The following DOCK8 variants were observed in gnomAD, a reference collection of about 807,000 sequenced individuals.
DOCK8 encodes dedicator of cytokinesis 8.
DOCK8 carries 141 observed loss-of-function variants against 245.6 expected under a neutral mutation model. The observed-to-expected ratio is 0.57, with a 90% CI of 0.50 to 0.66. DOCK8 has a LOEUF of 0.66. Ranked by LOEUF, DOCK8 falls within the 30% of genes least tolerant of loss-of-function variation. DOCK8 has a pLI of 0.00. For missense variants in DOCK8, 2,965 were observed against 2,603.4 expected, an observed-to-expected ratio of 1.14 and a Z score of -3.02; for synonymous variants, 1,168 against 970.2, an observed-to-expected ratio of 1.20 and a Z score of -3.79.
intron 2 of DOCK8, among the ~76,000 whole-genome samples, chr9:275,202 G>A (rs1442044061): frequency 6.7e-6 from 1 of 148,942 alleles, no homozygotes; most frequent in Admixed American, 6.6e-5. Flanking sequence ...ATATTGGCTA[G>A]TATTGCTCTC....
rs2051061666 is a variant in DOCK8, at chr9:332,492, A to C, written c.1125+14A>C. 1.3e-6 allele frequency: 2 copies of C among 1,588,872 alleles called. No individual in the cohort carries two copies. The highest frequency in any genetic ancestry group is 4.5e-5 in the East Asian group (2 of 44,710). On this transcript the variant is annotated intron_variant, in intron 10 of 47. Transcript: ENST00000432829. ...GATGGTGGAAAGGTATGGTAATTTG[A>C]GTGTTGTTAAATGGAGACATCTTAG...
chr9:453,247 G>A (rs1456361985), intron 46 of DOCK8, among the ~76,000 whole-genome samples: 3 of 152,182 alleles, frequency 2.0e-5, no homozygotes, highest in Admixed American at 2.0e-4. Flanking sequence ...GGCTTTGCGT[G>A]TTTGTATTTG....
At chr9:355,693 A>C (rs920732949) in intron 14 of DOCK8, among the ~76,000 whole-genome samples, 7 of 152,188 alleles carry the variant, frequency 4.6e-5, no homozygotes, top group Non-Finnish European at 1.0e-4. Flanking sequence ...TCTTATTTTC[A>C]AATAGTGGGG....
intron 39 of DOCK8, among the ~76,000 whole-genome samples, chr9:438,667 T>TA (rs1309321446): frequency 6.6e-6 from 1 of 152,276 alleles, no homozygotes; most frequent in African/African-American, 2.4e-5. Flanking sequence ...CTAAACGCAA[T>TA]AGTTTATGTA....
chr9:401,586 T>A (rs2131497989), intron 26 of DOCK8, among the ~76,000 whole-genome samples: 1 of 152,254 alleles, frequency 6.6e-6, no homozygotes, highest in South Asian at 2.1e-4. Flanking sequence ...AGGCACTAAA[T>A]GGATGAAAAT....
intron 16 of DOCK8, among the ~76,000 whole-genome samples, 161 bp from the exon 17 acceptor site, chr9:371,267 A>G (rs2053273332): frequency 6.6e-6 from 1 of 152,202 alleles, no homozygotes; most frequent in African/African-American, 2.4e-5. Flanking sequence ...TAATAACATA[A>G]GCTTGGTCTC....
chr9:235,065 A>G (rs1044638010), intron 1 of DOCK8, among the ~76,000 whole-genome samples: 24 of 151,968 alleles, frequency 1.6e-4, no homozygotes, highest in African/African-American at 4.8e-4. Context: ...TGACGTACAG[A>G]TGGGTTTTTG....
At chr9:306,951 G>A (rs188212817) in intron 5 of DOCK8, among the ~76,000 whole-genome samples, 1 of 152,172 alleles carries the variant, frequency 6.6e-6, no homozygotes, top group African/African-American at 2.4e-5. Flanking sequence ...CTGGACTCAC[G>A]CCTCACAGGA....
chr9:377,333 T>A, intron 20 of DOCK8, 122 bp downstream of exon 20: 1 of 989,802 alleles, frequency 1.0e-6, no homozygotes, highest in Non-Finnish European at 1.4e-6. Context: ...TGATGATGTG[T>A]GCTCAAGGGA....
At chr9:219,956 A>G (rs918971510) in intron 1 of DOCK8, among the ~76,000 whole-genome samples, 1 of 152,222 alleles carries the variant, frequency 6.6e-6, no homozygotes, top group Admixed American at 6.5e-5. Flanking sequence ...AATGAGCTAC[A>G]GAGAGCTTTC....
chr9:273,752 A>G (rs2048231991), intron 2 of DOCK8, among the ~76,000 whole-genome samples: 1 of 149,380 alleles, frequency 6.7e-6, no homozygotes, highest in African/African-American at 2.5e-5. Flanking sequence ...CAATGGCACC[A>G]TCTCGGCTCA....
At position 382,665 on chromosome 9, in the gene DOCK8, AAGAACATC is replaced by A; in HGVS notation, c.2760_2767del (p.Lys920AsnfsTer21). ...ACACTCCGCAGCAGACGAGGAAGTG[AAGAACATC>A]ATGTCTTCAAAGGTAGGAAAGATGT... On this transcript the variant is annotated frameshift_variant, in exon 22 of 48. Coordinates refer to ENST00000432829, the MANE Select transcript of DOCK8 (RefSeq NM_203447.4). LOFTEE classifies it high-confidence loss of function. 6.2e-7 allele frequency: 1 copy of A among 1,614,164 alleles called. No individual in the cohort carries two copies. The highest frequency in any genetic ancestry group is 1.7e-5 in the Admixed American group (1 of 60,020).
chr9:419,098 T>C (rs2056164211), intron 30 of DOCK8, among the ~76,000 whole-genome samples: 2 of 152,238 alleles, frequency 1.3e-5, no homozygotes, highest in African/African-American at 4.8e-5. Context: ...GAGCTCTGAC[T>C]ATCCCTTGTG....
Position 394,232 on chromosome 9 carries a change from A to G in DOCK8, c.2971-2553A>G, listed in dbSNP as rs193301952. Among the ~76,000 whole-genome samples the G allele has an allele frequency of 7.0e-3, 1,010 of 144,794 alleles. 12 individuals are homozygous for G. The highest frequency in any genetic ancestry group is 0.022 in the South Asian group (99 of 4,442). The allele number at this position is 144,794 out of a possible 152,430, so 95.0% of individuals were successfully genotyped here. A position where few individuals can be genotyped will look rare whatever the true frequency, so the allele number is the denominator to read the frequency against. ...TGTGGTCCCTCGAGACCCCCTTCCC[A>G]GCATTCAGAGACAGACAGAGAAGGA... On this transcript the variant is annotated intron_variant, in intron 24 of 47. Coordinates refer to ENST00000432829, the MANE Select transcript of DOCK8 (RefSeq NM_203447.4).
At chr9:233,021 C>G (rs1334028258) in intron 1 of DOCK8, among the ~76,000 whole-genome samples, 1 of 152,238 alleles carries the variant, frequency 6.6e-6, no homozygotes, top group Non-Finnish European at 1.5e-5. Flanking sequence ...CCTGCTTTCT[C>G]TTGTGGGCAT....
At chr9:265,650 G>T (rs985495846) in intron 1 of DOCK8, among the ~76,000 whole-genome samples, 3 of 151,944 alleles carry the variant, frequency 2.0e-5, no homozygotes, top group Non-Finnish European at 4.4e-5. Flanking sequence ...AATCCATCCA[G>T]CCATTTTGGC....
At chr9:242,677 T>C (rs1247760935) in intron 1 of DOCK8, among the ~76,000 whole-genome samples, 1 of 152,196 alleles carries the variant, frequency 6.6e-6, no homozygotes, top group Admixed American at 6.5e-5. Flanking sequence ...GAAACTCAAG[T>C]CTAGCTGAGA....
At chr9:340,018 T>C in intron 13 of DOCK8, 141 bp from the exon 14 acceptor site, 1 of 828,876 alleles carries the variant, frequency 1.2e-6, no homozygotes, top group East Asian at 2.7e-5. Flanking sequence ...TCTCAAGCTG[T>C]AGGAAATTAG....
At chr9:428,143 A>G (rs1330867837) in intron 34 of DOCK8, among the ~76,000 whole-genome samples, 1 of 152,240 alleles carries the variant, frequency 6.6e-6, no homozygotes, top group East Asian at 1.9e-4. Context: ...ACCCAGAATT[A>G]GGTATAAATC....
Sources: allele counts gnomAD v4.1 joint callset (sites outside exome capture counted in the v4.1 genomes callset), GRCh38; gene constraint gnomAD v4.1.1; transcripts MANE v1.5; gene names NCBI Gene and HGNC (gene_info 2026-07-23, HGNC 2026-07-21).